TOGARAM1: variants seen among roughly 807,000 people sequenced by gnomAD.
The protein encoded by TOGARAM1 is TOG array regulator of axonemal microtubules protein 1.
In TOGARAM1, 100 loss-of-function variants were observed where a neutral mutation model predicts 166.6. The ratio of observed to expected loss-of-function variants is 0.60; its 90% CI spans 0.51 to 0.71. The LOEUF is 0.71. Among genes scored for constraint, TOGARAM1 ranks in the 30% least tolerant of loss-of-function variants. The pLI is 0.00. For missense variants in TOGARAM1, 2,029 were observed against 2,102.7 expected (o/e 0.96, Z 0.69); for synonymous variants, 758 against 763.8 (o/e 0.99, Z 0.13).
intron 15 of TOGARAM1, 38 bp from the exon 16 acceptor site, chr14:45,054,393 T>C (rs1223427896): frequency 7.5e-7 from 1 of 1,326,792 alleles, no homozygotes; most frequent in East Asian, 2.4e-5. Flanking sequence ...CTACTAGTTT[T>C]AAAATTTGTA....
Position 45,044,876 on chromosome 14 carries a change from G to T in TOGARAM1, c.4154+6G>T, listed in dbSNP as rs769606484. ...CTTATCAATGGTGGACAAAGGTAAT[G>T]TTCAAAATAACCTTGAAATGTCTTT... is the stretch of plus-strand genomic sequence containing the variant. On this transcript the variant is annotated splice_donor_region_variant and intron_variant, in intron 13 of 19. Transcript: ENST00000361462. 6.3e-7 allele frequency: 1 copy of T among 1,588,576 alleles called. No individual in the cohort carries two copies. Among genetic ancestry groups the T allele is most frequent in the Non-Finnish European group, 8.6e-7 (1 of 1,161,884 alleles).
chr14:45,003,111 T>A (rs1269939918), intron 3 of TOGARAM1, among the ~76,000 whole-genome samples: 1 of 152,200 alleles, frequency 6.6e-6, no homozygotes, highest in African/African-American at 2.4e-5. Flanking sequence ...TATATGTAAA[T>A]CTGTGACTAA....
chr14:44,995,226 C>G (rs1442135034), intron 1 of TOGARAM1, among the ~76,000 whole-genome samples: 1 of 152,146 alleles, frequency 6.6e-6, no homozygotes, highest in Non-Finnish European at 1.5e-5. Context: ...CTGGTTTTAA[C>G]TAAGAGACCT....
chr14:45,032,629 T>C (rs1881227071), intron 11 of TOGARAM1, among the ~76,000 whole-genome samples: 1 of 152,198 alleles, frequency 6.6e-6, no homozygotes, highest in Admixed American at 6.5e-5. Context: ...TGTAAACCCT[T>C]TGATAATGAG....
At chr14:45,009,650 A>G (rs1594650437) in intron 6 of TOGARAM1, among the ~76,000 whole-genome samples, 1 of 152,214 alleles carries the variant, frequency 6.6e-6, no homozygotes, top group Admixed American at 6.5e-5. Flanking sequence ...GTCTCCCTAC[A>G]GCAGTAGTGC....
intron 10 of TOGARAM1, among the ~76,000 whole-genome samples, chr14:45,030,615 G>A (rs754634851): frequency 2.4e-4 from 36 of 152,120 alleles, no homozygotes; most frequent in African/African-American, 7.2e-4. Flanking sequence ...TCAAAAAAAA[G>A]TGAAAGGGGT....
intron 16 of TOGARAM1, among the ~76,000 whole-genome samples, chr14:45,058,466 T>G (rs1469220366): frequency 6.6e-6 from 1 of 152,144 alleles, no homozygotes; most frequent in Admixed American, 6.6e-5. Flanking sequence ...GGCTAATTTT[T>G]GTACTTTTAG....
chr14:45,029,058 C>T (rs756550624), intron 10 of TOGARAM1, among the ~76,000 whole-genome samples: 8 of 151,986 alleles, frequency 5.3e-5, no homozygotes, highest in Non-Finnish European at 1.0e-4. Flanking sequence ...GAGGTTTTTC[C>T]TAGCTTTTAT....
chr14:44,990,346 C>G (rs1036222192), intron 1 of TOGARAM1, among the ~76,000 whole-genome samples: 8 of 152,182 alleles, frequency 5.3e-5, no homozygotes, highest in African/African-American at 1.9e-4. Context: ...TAGTTGCACA[C>G]ATATCTTTGT....
At chr14:44,970,516 T>G (rs1454510838) in intron 1 of TOGARAM1, among the ~76,000 whole-genome samples, 2 of 152,176 alleles carry the variant, frequency 1.3e-5, no homozygotes, top group Non-Finnish European at 2.9e-5. Context: ...TTCTTCCCAA[T>G]CTGTATACTT....
chr14:44,981,816 G>A (rs11845088), intron 1 of TOGARAM1, among the ~76,000 whole-genome samples: 23,715 of 149,476 alleles, frequency 0.16, 3,529 homozygotes, highest in African/African-American at 0.39. Context: ...CTATCCATCA[G>A]TGAAAGCTTC....
chr14:45,055,025 G>T (rs574502443), intron 16 of TOGARAM1, among the ~76,000 whole-genome samples: 30 of 152,202 alleles, frequency 2.0e-4, no homozygotes, highest in Non-Finnish European at 2.8e-4. Context: ...AGATCAGCCT[G>T]GGCAACATGG....
intron 6 of TOGARAM1, among the ~76,000 whole-genome samples, chr14:45,011,166 G>C (rs1879766199): frequency 6.6e-6 from 1 of 152,176 alleles, no homozygotes; most frequent in Non-Finnish European, 1.5e-5. Context: ...GAAAGTACAG[G>C]AAAGAATAGT....
chr14:44,977,823 A>AT (rs1240969554), intron 1 of TOGARAM1, among the ~76,000 whole-genome samples: 1 of 150,938 alleles, frequency 6.6e-6, no homozygotes, highest in East Asian at 2.0e-4. Flanking sequence ...TTTTTTTTGT[A>AT]TTTTTTAGTA....
intron 11 of TOGARAM1, among the ~76,000 whole-genome samples, chr14:45,038,129 A>G (rs921394223): frequency 7.9e-5 from 12 of 152,204 alleles, no homozygotes; most frequent in African/African-American, 2.7e-4. Flanking sequence ...CTGGTTTCAA[A>G]TACCTGGGCT....
chr14:44,991,240 G>A (rs528367476), intron 1 of TOGARAM1, among the ~76,000 whole-genome samples: 1 of 152,058 alleles, frequency 6.6e-6, no homozygotes, highest in Non-Finnish European at 1.5e-5. Context: ...TTAAAAGCAT[G>A]AGCCACTGCA....
chr14:45,052,405 A>C (rs373313043), intron 14 of TOGARAM1, 31 bp from the exon 15 acceptor site: 1 of 1,588,264 alleles, frequency 6.3e-7, no homozygotes. Flanking sequence ...ATGTCTAAAA[A>C]GTAATATACC....
chr14:45,025,623 T>TA, intron 7 of TOGARAM1, 160 bp from the exon 8 acceptor site: 1 of 523,480 alleles, frequency 1.9e-6, no homozygotes, highest in Non-Finnish European at 3.4e-6. Context: ...GTATTGCAGT[T>TA]ACAAACATTT....
At chr14:45,008,861 A>G in intron 5 of TOGARAM1, 52 bp from the exon 6 acceptor site, 1 of 1,435,968 alleles carries the variant, frequency 7.0e-7, no homozygotes, top group Non-Finnish European at 9.5e-7. Context: ...GATAACTTTT[A>G]CCAATATAAG....
Sources: allele counts gnomAD v4.1 joint callset (sites outside exome capture counted in the v4.1 genomes callset), GRCh38; gene constraint gnomAD v4.1.1; transcripts MANE v1.5; gene names NCBI Gene and HGNC (gene_info 2026-07-23, HGNC 2026-07-21).